The following FBLN2 variants were observed in gnomAD, a reference collection of about 807,000 sequenced individuals.
The protein encoded by FBLN2 is fibulin 2.
FBLN2 carries 81 observed loss-of-function variants against 123.7 expected under a neutral mutation model. The observed-to-expected ratio is 0.65, with a 90% CI of 0.55 to 0.79. The LOEUF (loss-of-function observed/expected upper bound fraction) is 0.79. Among genes scored for constraint, FBLN2 ranks in the 30% least tolerant of loss-of-function variants. The pLI is 0.00. For synonymous variants in FBLN2, 699 were observed against 701.4 expected (o/e 1.00, Z 0.05); for missense variants, 1,603 against 1,681.3 (o/e 0.95, Z 0.81).
intron 2 of FBLN2, among the ~76,000 whole-genome samples, chr3:13,584,928 G>T (rs548856599): frequency 1.3e-5 from 2 of 152,238 alleles, no homozygotes; most frequent in African/African-American, 2.4e-5. Context: ...GGAGCTCAGG[G>T]CACAGGTCTA....
intron 7 of FBLN2, among the ~76,000 whole-genome samples, 194 bp from the exon 8 acceptor site, chr3:13,619,536 G>A (rs1347805575): frequency 3.3e-5 from 5 of 152,240 alleles, no homozygotes; most frequent in Non-Finnish European, 7.3e-5. Flanking sequence ...GACGCCAGAC[G>A]GTGTTGGAGC....
At chr3:13,620,558 A>T (rs1195453702) in intron 8 of FBLN2, among the ~76,000 whole-genome samples, 1 of 151,544 alleles carries the variant, frequency 6.6e-6, no homozygotes, top group Non-Finnish European at 1.5e-5. Context: ...GTGGGCCAGG[A>T]CCCCCCACTG....
At chr3:13,628,864 C>T in intron 11 of FBLN2, 41 bp from the exon 12 acceptor site, 1 of 1,600,062 alleles carries the variant, frequency 6.2e-7, no homozygotes. Context: ...CCTGGGAGGA[C>T]ACCATGCCGG....
chr3:13,631,233 C>T lies in FBLN2; in HGVS notation c.3086-96C>T, dbSNP rs1706244683. On this transcript the variant is annotated intron_variant, in intron 15 of 17. Coordinates refer to ENST00000404922, the MANE Select transcript of FBLN2 (RefSeq NM_001004019.2). ...TTGTCTTCATTTAAAAAATGGGCCC[C>T]TAAGCTCTATGGCTGTGACAGGGAC... 3 of 1,467,494 alleles carry T rather than the reference C, an allele frequency of 2.0e-6. No individual in the cohort carries two copies. In the Admixed American group the frequency reaches 6.6e-5, roughly 32 times the overall value. 90.9% of individuals were successfully genotyped at this position (1,467,494 alleles called of 1,614,324 possible).
intron 1 of FBLN2, among the ~76,000 whole-genome samples, chr3:13,555,562 C>T (rs1703440572): frequency 6.6e-6 from 1 of 151,986 alleles, no homozygotes; most frequent in Admixed American, 6.6e-5. Context: ...TCATACCATT[C>T]TCCTGCCTCA....
At chr3:13,584,812 C>T (rs1704446572) in intron 2 of FBLN2, among the ~76,000 whole-genome samples, 1 of 152,192 alleles carries the variant, frequency 6.6e-6, no homozygotes, top group Admixed American at 6.5e-5. Context: ...AGATGAGCAG[C>T]CTCAAGCTCA....
At position 13,582,158 on chromosome 3, in the gene FBLN2, G is replaced by A. The variant is rs1704352322; in HGVS notation, c.1306+10497G>A. Among the ~76,000 whole-genome samples the A allele has an allele frequency of 2.6e-5, 4 of 152,302 alleles. No individual in the cohort carries two copies. The South Asian group carries it at 6.2e-4, about 24-fold the overall frequency. On this transcript the variant is annotated intron_variant, in intron 2 of 17. Transcript: ENST00000404922. ...AGCTCCACTCATGGCTGGCGTCCCG[G>A]ATGCTGTGGTTCCAAGTCCTGAGGC...
chr3:13,610,178 G>C (rs532348004), intron 4 of FBLN2, among the ~76,000 whole-genome samples: 45 of 152,368 alleles, frequency 3.0e-4, no homozygotes, highest in Admixed American at 2.4e-3. Context: ...CACATGCAAA[G>C]GCCCTGGGGT....
At chr3:13,613,833 A>C in intron 4 of FBLN2, 151 bp from the exon 5 acceptor site, 1 of 731,156 alleles carries the variant, frequency 1.4e-6, no homozygotes, top group Non-Finnish European at 2.1e-6. Context: ...TGGGAAATAG[A>C]GGCAGAGGAC....
At chr3:13,628,511 G>A (rs932740012) in intron 11 of FBLN2, among the ~76,000 whole-genome samples, 7 of 152,152 alleles carry the variant, frequency 4.6e-5, no homozygotes, top group African/African-American at 1.2e-4. Context: ...GATTCTACCC[G>A]CTCTGCGCCC....
At chr3:13,564,424 T>C (rs2125037948) in intron 1 of FBLN2, among the ~76,000 whole-genome samples, 1 of 152,380 alleles carries the variant, frequency 6.6e-6, no homozygotes, top group East Asian at 1.9e-4. Context: ...AAAGCCATAC[T>C]GGCGCCAACC....
intron 2 of FBLN2, among the ~76,000 whole-genome samples, chr3:13,573,254 C>T (rs79350716): frequency 0.047 from 7,152 of 152,202 alleles, 261 homozygotes; most frequent in South Asian, 0.14. Context: ...AGTTCAATTC[C>T]CTCTGGCTAA....
Position 13,621,772 on chromosome 3 carries a change from T to C in FBLN2, c.2156-3T>C, listed in dbSNP as rs1175249317. Reference sequence around the variant, plus strand: ...CTGTTTTTCCTCCTGCGGCTGCCACTAGACCAAGACGAGTGCCTGATGGGT... The same window carrying C: ...CTGTTTTTCCTCCTGCGGCTGCCACCAGACCAAGACGAGTGCCTGATGGGT... On this transcript the variant is annotated splice_polypyrimidine_tract_variant and splice_region_variant and intron_variant, in intron 8 of 17. Transcript: ENST00000404922. The C allele has an allele frequency of 6.2e-7, 1 of 1,613,958 alleles. No homozygotes were observed. Among genetic ancestry groups the C allele is most frequent in the South Asian group, 1.1e-5 (1 of 91,076 alleles).
At chr3:13,567,596 G>C (rs1207020034) in intron 1 of FBLN2, among the ~76,000 whole-genome samples, 1 of 152,160 alleles carries the variant, frequency 6.6e-6, no homozygotes, top group South Asian at 2.1e-4. Flanking sequence ...GACCTCAAGT[G>C]ATCCGCCTGT....
chr3:13,621,818 A>G lies in FBLN2; in HGVS notation c.2199A>G (p.Arg733=), dbSNP rs774579641. The part of the protein sequence containing the change: ...CLMGAHDCSR[R]QFCVNTLGSF... ...TGGGTGCTCACGATTGTAGCCGGCG[A>G]CAGTTCTGTGTGAACACCCTGGGAT... Residue 733 remains arginine, a synonymous_variant, in exon 9 of 18, where the codon CGA becomes CGG. Transcript: ENST00000404922. The G allele has an allele frequency of 1.9e-6, 3 of 1,613,866 alleles. No homozygotes were observed. In the South Asian group the frequency reaches 3.3e-5, roughly 18 times the overall value.
rs1231781376 is a variant in FBLN2 at position 13,636,462 on chromosome 3, C to T, written c.3232C>T (p.Leu1078=). The T allele has an allele frequency of 1.2e-6, 2 of 1,613,760 alleles. No individual in the cohort carries two copies. The highest frequency in any genetic ancestry group is 2.2e-5 in the East Asian group (1 of 44,868). Residue 1078 remains leucine (L), a synonymous_variant, in exon 17 of 18, where the codon CTG becomes TTG. Transcript: ENST00000404922. Reference sequence around the variant, plus strand: ...TCCCCCAGACGTGGATGAGTGTGCACTGGGTACCCACAACTGTTCCGAGGC... The same window carrying T: ...TCCCCCAGACGTGGATGAGTGTGCATTGGGTACCCACAACTGTTCCGAGGC... The part of the protein sequence containing the change: ...RSCKDVDECA[L]GTHNCSEAET...
At chr3:13,603,128 G>A (rs1203300645) in intron 2 of FBLN2, among the ~76,000 whole-genome samples, 1 of 151,686 alleles carries the variant, frequency 6.6e-6, no homozygotes, top group Non-Finnish European at 1.5e-5. Flanking sequence ...GGCTAGGCTG[G>A]TCTTGAACTC....
Position 13,618,228 on chromosome 3 carries a change from C to T in FBLN2, c.1882C>T (p.His628Tyr). Residue 628 changes from histidine (H) to tyrosine (Y), a missense_variant, in exon 6 of 18, where the codon CAC (histidine) becomes TAC (tyrosine). Transcript: ENST00000404922. ...HLCINTVGSY[H>Y]CACFPGFSLQ... ...TTGCATCAATACTGTGGGTTCTTAC[C>T]ACTGTGCCTGCTTTCCTGGCTTCTC... 1 of 1,613,958 alleles carries T rather than the reference C, an allele frequency of 6.2e-7. No individual in the cohort carries two copies. Among genetic ancestry groups the T allele is most frequent in the Non-Finnish European group, 8.5e-7 (1 of 1,179,902 alleles).
At chr3:13,590,757 T>C (rs1246132757) in intron 2 of FBLN2, among the ~76,000 whole-genome samples, 1 of 152,264 alleles carries the variant, frequency 6.6e-6, no homozygotes, top group Non-Finnish European at 1.5e-5. Flanking sequence ...TAGCAGTAGT[T>C]CATTTTTAGA....
Sources: allele counts gnomAD v4.1 joint callset (sites outside exome capture counted in the v4.1 genomes callset), GRCh38; gene constraint gnomAD v4.1.1; transcripts MANE v1.5; gene names NCBI Gene and HGNC (gene_info 2026-07-23, HGNC 2026-07-21).